Variants in PYHIN1 observed in about 807,000 individuals in gnomAD.
PYHIN1 encodes pyrin and HIN domain family member 1.
A neutral mutation model predicts 43.7 loss-of-function variants in PYHIN1; 32 were observed. The observed-to-expected ratio is 0.73, with a 90% CI of 0.55 to 0.98. PYHIN1 has a LOEUF of 0.98. Among genes scored for constraint, PYHIN1 ranks in the 50% least tolerant of loss-of-function variants. The pLI is 0.00. For missense variants in PYHIN1, 588 were observed against 589.5 expected, an observed-to-expected ratio of 1.00 and a Z score of 0.03; for synonymous variants, 205 against 203.1, an observed-to-expected ratio of 1.01 and a Z score of -0.08.
chr1:158,935,829 G>C (rs527369304), intron 1 of PYHIN1, among the ~76,000 whole-genome samples: 2 of 152,172 alleles, frequency 1.3e-5, no homozygotes, highest in South Asian at 2.1e-4. Flanking sequence ...GTAAAGGATG[G>C]GAAGAGCAAC....
At chr1:158,980,963 C>A (rs1329658044), downstream of PYHIN1, among the ~76,000 whole-genome samples, 1 of 152,266 alleles carries the variant, frequency 6.6e-6, no homozygotes, top group African/African-American at 2.4e-5. Flanking sequence ...TACATGAAGT[C>A]ACCCCTCGTG....
At chr1:158,965,815 C>T (rs1650598738) in intron 7 of PYHIN1, among the ~76,000 whole-genome samples, 1 of 151,992 alleles carries the variant, frequency 6.6e-6, no homozygotes, top group African/African-American at 2.4e-5. Context: ...AACCCAACAT[C>T]ACAACTAGAA....
At chr1:158,932,763 G>T (rs937322124) in intron 1 of PYHIN1, among the ~76,000 whole-genome samples, 1 of 152,138 alleles carries the variant, frequency 6.6e-6, no homozygotes, top group Non-Finnish European at 1.5e-5. Flanking sequence ...TACCAGATGT[G>T]AAAGGCAGTT....
intron 7 of PYHIN1, among the ~76,000 whole-genome samples, chr1:158,958,675 G>T (rs1650121080): frequency 6.7e-6 from 1 of 149,498 alleles, no homozygotes; most frequent in Admixed American, 6.8e-5. Flanking sequence ...GTTAGTGGGT[G>T]CAATGCACCA....
At chr1:158,951,201 T>C (rs1310060233) in intron 7 of PYHIN1, among the ~76,000 whole-genome samples, 2 of 152,006 alleles carry the variant, frequency 1.3e-5, no homozygotes, top group African/African-American at 4.8e-5. Context: ...CCAATTTTGG[T>C]GGAAAAATTG....
At chr1:158,942,761 C>G (rs983935925) in intron 5 of PYHIN1, among the ~76,000 whole-genome samples, 5 of 152,068 alleles carry the variant, frequency 3.3e-5, no homozygotes, top group Non-Finnish European at 7.4e-5. Flanking sequence ...TCAATTGTAG[C>G]AAAAATCACA....
Position 158,933,389 on chromosome 1 carries a change from C to G in PYHIN1, c.-21+1613C>G, listed in dbSNP as rs192752418. ...CTATAATTTAAATTATTGTATCTTC[C>G]CAGGAATTCAACCTTTTACCATGTG... On this transcript the variant is annotated intron_variant, in intron 1 of 8. Transcript: ENST00000368140. The surrounding 1 kb of genome is among the most constrained non-coding windows in gnomAD (Gnocchi z 6.3). Among the ~76,000 whole-genome samples the G allele has an allele frequency of 1.3e-5, 2 of 151,126 alleles. No individual in the cohort carries two copies. The highest frequency in any genetic ancestry group is 4.8e-5 in the African/African-American group (2 of 41,254).
At chr1:158,935,496 G>C (rs1648475384) in intron 1 of PYHIN1, among the ~76,000 whole-genome samples, 1 of 152,030 alleles carries the variant, frequency 6.6e-6, no homozygotes, top group Admixed American at 6.5e-5. Flanking sequence ...AGCAACTATT[G>C]AAATATTCCA....
intron 7 of PYHIN1, among the ~76,000 whole-genome samples, chr1:158,968,193 G>A (rs1372669951): frequency 6.6e-6 from 1 of 151,694 alleles, no homozygotes; most frequent in African/African-American, 2.4e-5. Flanking sequence ...TGCAAACTTT[G>A]CATCCAACAA....
At chr1:158,973,184 A>G (rs1651035453) in intron 7 of PYHIN1, among the ~76,000 whole-genome samples, 1 of 152,024 alleles carries the variant, frequency 6.6e-6, no homozygotes, top group African/African-American at 2.4e-5. Context: ...CCCCACACCT[A>G]TGAGTTGAAG....
At chr1:158,952,262 G>GCAT (rs1649588090) in intron 7 of PYHIN1, among the ~76,000 whole-genome samples, 1 of 152,102 alleles carries the variant, frequency 6.6e-6, no homozygotes, top group Non-Finnish European at 1.5e-5. Context: ...GTTCCTAGGA[G>GCAT]CATTAGCTGG....
At chr1:158,982,608 ATTT>A in the PYHIN1 span, among the ~76,000 whole-genome samples, 1 of 151,978 alleles carries the variant, frequency 6.6e-6, no homozygotes, top group Admixed American at 6.6e-5. Context: ...GCATAGGATT[ATTT>A]TGGTTATTTG....
chr1:158,939,488 A>T lies in PYHIN1; in HGVS notation c.579+241A>T, dbSNP rs1180013228. The T allele has an allele frequency of 5.8e-6, 9 of 1,550,826 alleles. No homozygotes were observed. The East Asian group carries it at 7.3e-5, about 13-fold the overall frequency. ...TGGGGAAGAGACAGAGAACTGCGGA[A>T]TCTGGAACTTTCAGCAACAGACTCA... On this transcript the variant is annotated intron_variant, in intron 4 of 8. Coordinates refer to ENST00000368140, the MANE Select transcript of PYHIN1 (RefSeq NM_152501.5).
chr1:158,978,693 C>T (rs941780662), downstream of PYHIN1, among the ~76,000 whole-genome samples: 1 of 152,058 alleles, frequency 6.6e-6, no homozygotes, highest in Non-Finnish European at 1.5e-5. Flanking sequence ...TTGCTGATTT[C>T]TCCCTGAAAT....
At chr1:158,985,915 G>GA in the PYHIN1 span, among the ~76,000 whole-genome samples, 1 of 152,094 alleles carries the variant, frequency 6.6e-6, no homozygotes, top group East Asian at 1.9e-4. Flanking sequence ...CAAGCTCTGA[G>GA]ATTTCTTTCC....
intron 8 of PYHIN1, among the ~76,000 whole-genome samples, chr1:158,976,447 A>T (rs996661065): frequency 7.2e-5 from 11 of 151,980 alleles, no homozygotes; most frequent in African/African-American, 2.7e-4. Flanking sequence ...GTTCCCTGAC[A>T]TCTCCTGCCC....
At chr1:158,946,547 T>TTAGATAGATAGATAGATAGA (rs4053507) in intron 7 of PYHIN1, among the ~76,000 whole-genome samples, 3 of 148,424 alleles carry the variant, frequency 2.0e-5, no homozygotes, top group Non-Finnish European at 3.0e-5. Context: ...AGCACAGTGA[T>TTAGATAGATAGATAGATAGA]TAGATAGATA....
chr1:158,969,954 G>T (rs969576556), intron 7 of PYHIN1, among the ~76,000 whole-genome samples: 1 of 151,946 alleles, frequency 6.6e-6, no homozygotes, highest in Admixed American at 6.6e-5. Context: ...CCACTCCAAG[G>T]TTGTCTCACC....
chr1:158,981,287 T>C (rs569810982), downstream of PYHIN1, among the ~76,000 whole-genome samples: 3 of 152,262 alleles, frequency 2.0e-5, no homozygotes, highest in Admixed American at 2.0e-4. Context: ...CTGGCCAACA[T>C]GGTGAAACCC....
Sources: allele counts gnomAD v4.1 joint callset (sites outside exome capture counted in the v4.1 genomes callset), GRCh38; gene constraint gnomAD v4.1.1; non-coding constraint Gnocchi (gnomAD v3.1); transcripts MANE v1.5; gene names NCBI Gene and HGNC (gene_info 2026-07-23, HGNC 2026-07-21).